The following ZNF394 variants were observed in gnomAD, a reference collection of about 807,000 sequenced individuals.
ZNF394 encodes zinc finger protein 99.
A neutral mutation model predicts 21.8 loss-of-function variants in ZNF394; 19 were observed. The observed-to-expected ratio is 0.87, with a 90% CI of 0.61 to 1.28. The LOEUF is 1.28. ZNF394 is among the 50% of genes most tolerant of loss of function. ZNF394 has a pLI of 0.00. For synonymous variants in ZNF394, 294 were observed against 273.3 expected (o/e 1.08, Z -0.75); for missense variants, 683 against 708.6 (o/e 0.96, Z 0.41).
At chr7:99,492,639 CAAA>C (rs757663157), downstream of ZNF394, among the ~76,000 whole-genome samples, 9 of 50,484 alleles carry the variant, frequency 1.8e-4, no homozygotes, top group Non-Finnish European at 8.3e-5. Flanking sequence ...GACTCCATCT[CAAA>C]AAAAAAAAAA....
chr7:99,499,142 G>A (rs1307593021), intron 1 of ZNF394, among the ~76,000 whole-genome samples: 2 of 152,120 alleles, frequency 1.3e-5, no homozygotes, highest in Admixed American at 1.3e-4. Flanking sequence ...TTGGGAGGCC[G>A]AGGCGGGCGG....
At chr7:99,493,179 T>C (rs1800198044), downstream of ZNF394, 2 of 1,041,480 alleles carry the variant, frequency 1.9e-6, no homozygotes, top group African/African-American at 1.7e-5. Context: ...TTGACTGATA[T>C]ACTCCAAATG....
chr7:99,493,621 C>T lies in ZNF394; in HGVS notation c.1594G>A (p.Glu532Lys). The change falls in exon 3 of 3, where the codon GAA becomes AAA. Residue 532 changes from glutamate (E) to lysine (K), a missense_variant. By Grantham distance (56) the Glu-to-Lys change is moderately conservative. Coordinates refer to ENST00000337673, the MANE Select transcript of ZNF394 (RefSeq NM_032164.4). ...EKPYKCLECG[E>K]RFRQSTHLIR... ...AGGTGTGTACTTTGTCTAAATCTTT[C>T]CCCACATTCAAGACATTTGTAAGGC... The T allele has an allele frequency of 6.2e-7, 1 of 1,614,150 alleles. No homozygotes were observed. Among genetic ancestry groups the T allele is most frequent in the Non-Finnish European group, 8.5e-7 (1 of 1,180,030 alleles).
At chr7:99,490,109 G>A (rs1484531171), downstream of ZNF394, among the ~76,000 whole-genome samples, 1 of 148,042 alleles carries the variant, frequency 6.8e-6, no homozygotes, top group Non-Finnish European at 1.5e-5. Context: ...CAACCCAGGA[G>A]TTTGAGACCA....
At chr7:99,498,564 C>A in intron 2 of ZNF394, 152 bp downstream of exon 2, 1 of 1,001,268 alleles carries the variant, frequency 1.0e-6, no homozygotes, top group Non-Finnish European at 1.4e-6. Context: ...GAATCTAGCA[C>A]CTAGCAGTAC....
chr7:99,495,970 G>A (rs991227700), intron 2 of ZNF394, among the ~76,000 whole-genome samples: 1 of 151,842 alleles, frequency 6.6e-6, no homozygotes, highest in African/African-American at 2.4e-5. Flanking sequence ...CACCCAGGTT[G>A]GAGTGCAATG....
intron 1 of ZNF394, chr7:99,487,352 A>T: frequency 6.2e-7 from 1 of 1,614,278 alleles, no homozygotes; most frequent in Non-Finnish European, 8.5e-7. Flanking sequence ...TTTAGTTTTA[A>T]GAGGAATCTT....
intron 2 of ZNF394, among the ~76,000 whole-genome samples, chr7:99,495,810 TG>T (rs1209754411): frequency 6.6e-6 from 1 of 151,960 alleles, no homozygotes; most frequent in Non-Finnish European, 1.5e-5. Context: ...TTAGTAGAGA[TG>T]GGGTTTCACC....
chr7:99,488,498 T>C (rs1411424310), downstream of ZNF394, among the ~76,000 whole-genome samples: 2 of 148,182 alleles, frequency 1.3e-5, no homozygotes, highest in Admixed American at 1.3e-4. Context: ...TGAGACTCCA[T>C]CTCAAAAAAA....
At chr7:99,487,382 A>G (rs1295961040) in intron 1 of ZNF394, 1 of 1,614,226 alleles carries the variant, frequency 6.2e-7, no homozygotes, top group Non-Finnish European at 8.5e-7. Context: ...CAGGTCATTC[A>G]CACTGGAAGC....
rs748635583 is a variant in ZNF394, at chr7:99,494,515, T to A, written c.700A>T (p.Lys234Ter). The change falls in exon 3 of 3, where the codon AAG (lysine) becomes TAG (stop). Residue 234 changes from lysine to a stop codon, truncating the protein, a stop_gained. Coordinates refer to ENST00000337673, the MANE Select transcript of ZNF394 (RefSeq NM_032164.4). LOFTEE classifies it low-confidence loss of function (END_TRUNC). Reference protein sequence around the residue: ...AFQGKRPLFSKCGSTHEDRVE... With the variant: ...AFQGKRPLFS ...CTGTCCTCATGGGTACTGCCACACT[T>A]AGAAAACAGGGGGCGCTTCCCCTGG... 1 of 1,613,752 alleles carries A rather than the reference T, an allele frequency of 6.2e-7. No homozygotes were observed. Among genetic ancestry groups the A allele is most frequent in the Admixed American group, 1.7e-5 (1 of 60,000 alleles).
chr7:99,488,495 C>G (rs1332036764), downstream of ZNF394, among the ~76,000 whole-genome samples: 1 of 150,246 alleles, frequency 6.7e-6, no homozygotes, highest in Admixed American at 6.6e-5. Flanking sequence ...GAGTGAGACT[C>G]CATCTCAAAA....
At chr7:99,488,888 G>A (rs1024022160), downstream of ZNF394, among the ~76,000 whole-genome samples, 12 of 138,410 alleles carry the variant, frequency 8.7e-5, no homozygotes, top group East Asian at 2.2e-4. Context: ...CTGAGATTGC[G>A]CCACTGCACT....
At chr7:99,489,414 G>A (rs1226443284), downstream of ZNF394, among the ~76,000 whole-genome samples, 1 of 152,082 alleles carries the variant, frequency 6.6e-6, no homozygotes, top group Non-Finnish European at 1.5e-5. Context: ...TGTGGCCTGT[G>A]GGGTAATAAC....
In ZNF394 at chr7:99,494,324, T is replaced by A. The variant is rs1343928239; in HGVS notation, c.891A>T (p.Leu297=). The change falls in exon 3 of 3, where the codon CTA becomes CTT. Residue 297 remains leucine (L), a synonymous_variant. Coordinates refer to ENST00000337673, the MANE Select transcript of ZNF394 (RefSeq NM_032164.4). ...QNSARCSNLV[L]CQHIPKAERP... is the part of the protein sequence containing the mutation. ...TCTCTGCTTTCGGGATGTGCTGACA[T>A]AGAACAAGGTTGGAACACCTGGCAC... is the stretch of plus-strand genomic sequence containing the variant. 6.2e-7 allele frequency: 1 copy of A among 1,614,230 alleles called. No homozygotes were observed.
chr7:99,498,707 A>G lies in ZNF394; in HGVS notation c.583+9T>C. 6.2e-7 allele frequency: 1 copy of G among 1,613,920 alleles called. No individual in the cohort carries two copies. Among genetic ancestry groups the G allele is most frequent in the Non-Finnish European group, 8.5e-7 (1 of 1,179,894 alleles). On this transcript the variant is annotated intron_variant, in intron 2 of 2. Transcript: ENST00000337673. ...CACCGCAATAAACCAGCAGAGCAAC[A>G]GCACTCACTCGGCGGAACTGTGCTC...
At chr7:99,487,855 G>A (rs536165103) in intron 1 of ZNF394, among the ~76,000 whole-genome samples, 5 of 151,520 alleles carry the variant, frequency 3.3e-5, no homozygotes, top group Admixed American at 2.0e-4. Flanking sequence ...GGCGGATCAC[G>A]AGGTCAGGAG....
In ZNF394 at chr7:99,498,684, C is replaced by T. The variant is rs748112960; in HGVS notation, c.583+32G>A. On this transcript the variant is annotated intron_variant, in intron 2 of 2. Transcript: ENST00000337673. ...GAACCAGCCCTTCACAAACCACACA[C>T]CGCAATAAACCAGCAGAGCAACAGC... The T allele has an allele frequency of 8.1e-6, 13 of 1,613,402 alleles. No individual in the cohort carries two copies. In the South Asian group the frequency reaches 1.4e-4, roughly 18 times the overall value.
intron 1 of ZNF394, chr7:99,487,075 A>G (rs1423671498): frequency 6.2e-7 from 1 of 1,614,140 alleles, no homozygotes; most frequent in South Asian, 1.1e-5. Flanking sequence ...TAAATGTAGC[A>G]AATGTGAAAA....
Sources: gnomAD v4.1 joint callset for allele counts (sites outside exome capture counted in the v4.1 genomes callset) on GRCh38, gnomAD v4.1.1 for gene constraint, MANE v1.5 for transcripts, NCBI Gene and HGNC (gene_info 2026-07-23, HGNC 2026-07-21) for gene names.